Variants in INTS9 observed in about 807,000 individuals in gnomAD.
INTS9 encodes the protein protein related to CPSF subunits of 74 kDa.
In INTS9, 55 loss-of-function variants were observed where a neutral mutation model predicts 79.7. That is an observed-to-expected ratio of 0.69 (90% CI 0.56 to 0.86). INTS9 has a LOEUF of 0.86. Among genes scored for constraint, INTS9 ranks in the 40% least tolerant of loss-of-function variants. The probability of loss-of-function intolerance (pLI) is 0.00; values close to 1 mark genes in which losing one functional copy is unlikely to be tolerated. For synonymous variants in INTS9, 319 were observed against 325.2 expected, an observed-to-expected ratio of 0.98 and a Z score of 0.20; for missense variants, 721 against 831.5, an observed-to-expected ratio of 0.87 and a Z score of 1.64.
chr8:28,833,179 T>A (rs1325825019), intron 6 of INTS9, among the ~76,000 whole-genome samples: 1 of 152,064 alleles, frequency 6.6e-6, no homozygotes, highest in Admixed American at 6.6e-5. Context: ...TATATTCTAA[T>A]CAAAAGAAGA....
At chr8:28,879,970 A>C (rs1809610374) in intron 1 of INTS9, among the ~76,000 whole-genome samples, 1 of 152,056 alleles carries the variant, frequency 6.6e-6, no homozygotes, top group Admixed American at 6.6e-5. Flanking sequence ...ATGAGGCACA[A>C]CTCTGAAATC....
In INTS9 at chr8:28,775,837, G is replaced by T. The variant is rs148560235; in HGVS notation, c.1485C>A (p.Pro495=). 16 of 1,613,782 alleles carry T rather than the reference G, an allele frequency of 9.9e-6. No individual in the cohort carries two copies. Among genetic ancestry groups the T allele is most frequent in the Admixed American group, 1.7e-5 (1 of 59,944 alleles). Residue 495 remains proline, a synonymous_variant, in exon 14 of 17, where the codon CCC becomes CCA. Transcript: ENST00000521022. ...CCTCAGCCCGCCGATAGGACATGGC[G>T]GGGGGCTGGCAGTCGATCATGAGGT... ...RMDLMIDCQP[P]AMSYRRAEVL... is the part of the protein sequence containing the mutation.
At chr8:28,773,463 C>CAA (rs142334976) in intron 14 of INTS9, among the ~76,000 whole-genome samples, 8 of 107,810 alleles carry the variant, frequency 7.4e-5, no homozygotes, top group African/African-American at 2.9e-4. Context: ...GACTCCGTCT[C>CAA]AAAAAAAAAA....
At chr8:28,769,690 G>T (rs1802415086) in intron 16 of INTS9, 199 bp downstream of exon 16, 3 of 627,922 alleles carry the variant, frequency 4.8e-6, no homozygotes, top group Non-Finnish European at 8.0e-6. Context: ...CTCGTGCTGG[G>T]AGGAAGGATG....
chr8:28,881,371 C>G (rs1585534323), intron 1 of INTS9, among the ~76,000 whole-genome samples: 1 of 143,688 alleles, frequency 7.0e-6, no homozygotes, highest in East Asian at 2.2e-4. Flanking sequence ...CCGGCCGCCC[C>G]TACTGGGAAG....
At chr8:28,772,089 T>C (rs1298295517) in intron 14 of INTS9, among the ~76,000 whole-genome samples, 1 of 152,194 alleles carries the variant, frequency 6.6e-6, no homozygotes, top group African/African-American at 2.4e-5. Flanking sequence ...CTTGAACTCC[T>C]GGCATCAAGT....
intron 1 of INTS9, among the ~76,000 whole-genome samples, chr8:28,881,355 C>T (rs1198017076): frequency 7.2e-6 from 1 of 138,666 alleles, no homozygotes; most frequent in Non-Finnish European, 1.6e-5. Flanking sequence ...TGAGGGGCGC[C>T]TCTGCCCGGC....
intron 12 of INTS9, chr8:28,780,360 TAC>T (rs1341658009): frequency 1.0e-6 from 1 of 982,450 alleles, no homozygotes; most frequent in Non-Finnish European, 1.2e-6. Context: ...GATAAAATGA[TAC>T]AGTCATTATC....
rs574478877 is a variant in INTS9 at position 28,769,981 on chromosome 8, G to A, written c.1708C>T (p.Arg570Trp). The A allele has an allele frequency of 5.0e-6, 8 of 1,614,180 alleles. No homozygotes were observed. The highest frequency in any genetic ancestry group is 2.2e-5 in the South Asian group (2 of 91,088). Residue 570 changes from arginine (R) to tryptophan (W), a missense_variant, in exon 16 of 17, where the codon CGG (arginine) becomes TGG (tryptophan). Physicochemically the swap from Arg to Trp is moderately radical, Grantham distance 101. Around this residue, in one of 3 missense-constraint regions of INTS9, gnomAD observed 281 missense variants for 300.8 expected, o/e 0.93. Transcript: ENST00000521022. ...AQPTSGKKRK[R>W]VSDDVPDCKV... ...CAGTCTGGTACGTCATCGCTCACCC[G>A]CTTTCTCTTCTTCCCGCTCGTGGGC...
intron 8 of INTS9, among the ~76,000 whole-genome samples, chr8:28,807,458 A>G (rs747005112): frequency 1.1e-4 from 16 of 152,198 alleles, no homozygotes; most frequent in Non-Finnish European, 2.1e-4. Context: ...TTTTTCACCT[A>G]TGACTATAGA....
At chr8:28,787,798 T>C (rs756335957) in intron 11 of INTS9, 31 bp downstream of exon 11, 23 of 1,542,974 alleles carry the variant, frequency 1.5e-5, no homozygotes, top group Non-Finnish European at 2.1e-5. Context: ...CATTGCTTCC[T>C]TCCCATGTCC....
intron 2 of INTS9, among the ~76,000 whole-genome samples, chr8:28,851,008 A>G: frequency 6.6e-6 from 1 of 152,258 alleles, no homozygotes; most frequent in Non-Finnish European, 1.5e-5. Flanking sequence ...GAAGAAATAT[A>G]ATGCAAGCTG....
intron 6 of INTS9, among the ~76,000 whole-genome samples, chr8:28,833,171 T>C (rs1286827142): frequency 2.6e-5 from 4 of 152,188 alleles, no homozygotes; most frequent in Non-Finnish European, 5.9e-5. Context: ...TACATATTTA[T>C]ATTCTAATCA....
intron 1 of INTS9, among the ~76,000 whole-genome samples, chr8:28,867,191 G>A (rs909436190): frequency 6.6e-6 from 1 of 152,226 alleles, no homozygotes; most frequent in East Asian, 1.9e-4. Flanking sequence ...GGGAGGCCAA[G>A]GCGGGTGGAT....
chr8:28,781,151 AG>A (rs1321682194), intron 11 of INTS9, among the ~76,000 whole-genome samples, 157 bp from the exon 12 acceptor site: 1 of 152,190 alleles, frequency 6.6e-6, no homozygotes, highest in Non-Finnish European at 1.5e-5. Flanking sequence ...CACCTGAGAG[AG>A]GACTGTGACC....
intron 1 of INTS9, among the ~76,000 whole-genome samples, chr8:28,861,767 T>G (rs10503833): frequency 0.14 from 21,066 of 152,270 alleles, 1,559 homozygotes; most frequent in Middle Eastern, 0.19. Context: ...GCAAAGAAAG[T>G]TCGCTGGAAG....
chr8:28,834,602 G>C (rs1317958927), intron 6 of INTS9, among the ~76,000 whole-genome samples: 1 of 151,788 alleles, frequency 6.6e-6, no homozygotes, highest in Non-Finnish European at 1.5e-5. Flanking sequence ...CATCTCCTAA[G>C]GAATGTCCTT....
At chr8:28,827,997 C>T (rs781226160) in intron 6 of INTS9, among the ~76,000 whole-genome samples, 5 of 152,118 alleles carry the variant, frequency 3.3e-5, no homozygotes, top group Non-Finnish European at 5.9e-5. Flanking sequence ...TAATCAACTC[C>T]GAGTGAAATG....
chr8:28,864,750 T>A (rs1808643591), intron 1 of INTS9, among the ~76,000 whole-genome samples: 1 of 152,186 alleles, frequency 6.6e-6, no homozygotes, highest in African/African-American at 2.4e-5. Flanking sequence ...TTATAAAACA[T>A]CAAAGCTTCA....
Sources: allele counts gnomAD v4.1 joint callset (sites outside exome capture counted in the v4.1 genomes callset), GRCh38; gene constraint gnomAD v4.1.1; regional missense constraint gnomAD v4.1.1; transcripts MANE v1.5; gene names NCBI Gene and HGNC (gene_info 2026-07-23, HGNC 2026-07-21).